MCTP1: variants seen among roughly 807,000 people sequenced by gnomAD.
The protein encoded by MCTP1 is multiple C2 and transmembrane domain-containing protein 1.
In MCTP1, 69 loss-of-function variants were observed where a neutral mutation model predicts 120.6. That is an observed-to-expected ratio of 0.57 (90% confidence interval 0.47 to 0.70). The LOEUF is 0.70. Ranked by LOEUF, MCTP1 falls within the 30% of genes least tolerant of loss-of-function variation. The pLI, the probability that MCTP1 is intolerant of heterozygous loss-of-function variation, is 0.00. For synonymous variants in MCTP1, 529 were observed against 493.1 expected, an observed-to-expected ratio of 1.07 and a Z score of -0.96; for missense variants, 1,203 against 1,248.8, an observed-to-expected ratio of 0.96 and a Z score of 0.55.
chr5:94,951,689 G>T (rs1345810167), intron 3 of MCTP1, among the ~76,000 whole-genome samples: 2 of 151,728 alleles, frequency 1.3e-5, no homozygotes, highest in Non-Finnish European at 2.9e-5. Flanking sequence ...GCCTATCTCA[G>T]CTCTTTATTA....
At chr5:94,869,090 A>C (rs1797363137) in intron 16 of MCTP1, among the ~76,000 whole-genome samples, 1 of 151,940 alleles carries the variant, frequency 6.6e-6, no homozygotes, top group Non-Finnish European at 1.5e-5. Context: ...GCTTTACAAA[A>C]TTTCTTATTA....
intron 1 of MCTP1, among the ~76,000 whole-genome samples, chr5:95,023,891 G>T (rs1838685893): frequency 6.6e-6 from 1 of 152,062 alleles, no homozygotes; most frequent in African/African-American, 2.4e-5. Flanking sequence ...CTGCTCTTGT[G>T]GTCTGCTTTT....
chr5:95,211,834 G>T (rs1752416448), intron 1 of MCTP1, among the ~76,000 whole-genome samples: 1 of 152,174 alleles, frequency 6.6e-6, no homozygotes, highest in Non-Finnish European at 1.5e-5. Context: ...TGATGATGGT[G>T]ATGTACAGAT....
chr5:94,781,671 T>C (rs1776603582), intron 18 of MCTP1, among the ~76,000 whole-genome samples: 1 of 152,174 alleles, frequency 6.6e-6, no homozygotes, highest in Non-Finnish European at 1.5e-5. Context: ...AGTAGCTTAA[T>C]TTACACATTT....
At position 95,284,271 on chromosome 5, in the gene MCTP1, G is replaced by T. The variant is rs1374184117; in HGVS notation, c.305C>A (p.Ser102Ter). The change falls in exon 1 of 23, where the codon TCG becomes TAG. Residue 102 changes from serine (S) to a stop codon, truncating the protein, a stop_gained. Coordinates refer to ENST00000515393, the MANE Select transcript of MCTP1 (RefSeq NM_024717.7). LOFTEE classifies it high-confidence loss of function. This position sits in a 1 kb window ranked among gnomAD's most constrained non-coding sequence, Gnocchi z 5.2. ...FSSSQPNLCC[S>*]SPEPLEPGGA... The stretch of plus-strand genomic sequence containing the variant: ...GCCGGGCTCCAGGGGCTCCGGCGAC[G>T]AGCAGCACAGGTTGGGCTGCGAGGA... The T allele has an allele frequency of 1.3e-6, 2 of 1,594,764 alleles. No homozygotes were observed. The highest frequency in any genetic ancestry group is 1.7e-5 in the Admixed American group (1 of 59,660).
chr5:95,017,657 A>G (rs1230944194), intron 1 of MCTP1, among the ~76,000 whole-genome samples, 173 bp from the exon 2 acceptor site: 1 of 152,156 alleles, frequency 6.6e-6, no homozygotes, highest in Non-Finnish European at 1.5e-5. Context: ...TTTGAAATTT[A>G]TGAAATTCTT....
chr5:95,120,309 G>A (rs537865143), intron 1 of MCTP1, among the ~76,000 whole-genome samples: 1 of 151,886 alleles, frequency 6.6e-6, no homozygotes, highest in African/African-American at 2.4e-5. Flanking sequence ...TAAAGGAAGA[G>A]GGAATACTTC....
At chr5:94,840,022 C>T (rs934231303) in intron 17 of MCTP1, among the ~76,000 whole-genome samples, 2 of 152,130 alleles carry the variant, frequency 1.3e-5, no homozygotes, top group East Asian at 3.9e-4. Flanking sequence ...GAGCAATGAC[C>T]TCAGGCAAAG....
intron 2 of MCTP1, among the ~76,000 whole-genome samples, chr5:94,971,071 T>C (rs1012371461): frequency 6.6e-6 from 1 of 152,128 alleles, no homozygotes; most frequent in Non-Finnish European, 1.5e-5. Flanking sequence ...GTTAGTTGTG[T>C]CTATTGTCTA....
In MCTP1 at chr5:94,888,874, C is replaced by T; in HGVS notation, c.1933+5G>A. The T allele has an allele frequency of 1.9e-6, 3 of 1,592,830 alleles. No homozygotes were observed. In the South Asian group the frequency reaches 3.3e-5, roughly 18 times the overall value. On this transcript the variant is annotated splice_donor_5th_base_variant and intron_variant, in intron 12 of 22. Transcript: ENST00000515393. ...GAGCAATAGGAGAATTGCATCATCT[C>T]TTACCAGTGACGTCGGCAGCCATTA...
At chr5:94,927,165 G>T (rs1813350892) in intron 6 of MCTP1, among the ~76,000 whole-genome samples, 1 of 152,132 alleles carries the variant, frequency 6.6e-6, no homozygotes, top group Non-Finnish European at 1.5e-5. Flanking sequence ...ATTTTGTGGG[G>T]CTAATGAAAT....
At chr5:94,725,747 GA>G (rs1045869264) in intron 19 of MCTP1, among the ~76,000 whole-genome samples, 17 of 152,062 alleles carry the variant, frequency 1.1e-4, no homozygotes, top group African/African-American at 3.9e-4. Context: ...AGGTGATTTT[GA>G]GCAATTTATT....
chr5:95,243,430 C>G (rs546615916), intron 1 of MCTP1, among the ~76,000 whole-genome samples: 2 of 152,090 alleles, frequency 1.3e-5, no homozygotes, highest in African/African-American at 4.8e-5. Context: ...AGAGTCATCA[C>G]GGAACCTGGG....
chr5:95,209,116 T>C lies in MCTP1; in HGVS notation c.720+74740A>G, dbSNP rs542903949. Reference sequence around the variant, plus strand: ...AACATCCCACTAATCCCATATAGCATGACCAAAAGGGAATTGTATCATCCC... The same window carrying C: ...AACATCCCACTAATCCCATATAGCACGACCAAAAGGGAATTGTATCATCCC... On this transcript the variant is annotated intron_variant, in intron 1 of 22. Transcript: ENST00000515393. Among the ~76,000 whole-genome samples the C allele has an allele frequency of 1.5e-3, 222 of 152,310 alleles. 2 individuals are homozygous for C. The highest frequency in any genetic ancestry group is 5.1e-3 in the African/African-American group (214 of 41,576).
At chr5:94,916,849 A>G (rs968392173) in intron 8 of MCTP1, among the ~76,000 whole-genome samples, 1 of 152,236 alleles carries the variant, frequency 6.6e-6, no homozygotes, top group Non-Finnish European at 1.5e-5. Flanking sequence ...CCTGCCAGGT[A>G]ATTCTGATAC....
chr5:94,869,851 T>C (rs1332998213), intron 16 of MCTP1, among the ~76,000 whole-genome samples: 1 of 152,110 alleles, frequency 6.6e-6, no homozygotes, highest in Non-Finnish European at 1.5e-5. Flanking sequence ...AGAAAAATCA[T>C]ATTTCCTGAT....
intron 1 of MCTP1, among the ~76,000 whole-genome samples, chr5:95,216,049 C>T (rs1562246720): frequency 6.6e-6 from 1 of 152,094 alleles, no homozygotes; most frequent in Non-Finnish European, 1.5e-5. Flanking sequence ...CTAAAATTTA[C>T]TTTCTTTGAT....
At chr5:94,878,486 G>A (rs2153351752) in intron 12 of MCTP1, among the ~76,000 whole-genome samples, 1 of 152,000 alleles carries the variant, frequency 6.6e-6, no homozygotes, top group African/African-American at 2.4e-5. Flanking sequence ...TAGAGTTGTG[G>A]CTTTCAACCT....
At chr5:94,980,586 T>C (rs1829178188) in intron 2 of MCTP1, among the ~76,000 whole-genome samples, 1 of 152,156 alleles carries the variant, frequency 6.6e-6, no homozygotes, top group African/African-American at 2.4e-5. Context: ...AAAGAGCTAA[T>C]CTTCCTCATC....
Sources: allele counts gnomAD v4.1 joint callset (sites outside exome capture counted in the v4.1 genomes callset), GRCh38; gene constraint gnomAD v4.1.1; non-coding constraint Gnocchi (gnomAD v3.1); transcripts MANE v1.5; gene names NCBI Gene and HGNC (gene_info 2026-07-23, HGNC 2026-07-21).